The following RUFY2 variants were observed in gnomAD, a reference collection of about 807,000 sequenced individuals.
RUFY2 encodes the protein RUN and FYVE domain-containing protein 2.
In RUFY2, 49 loss-of-function variants were observed where a neutral mutation model predicts 94.4. The ratio of observed to expected loss-of-function variants is 0.52; its 90% CI spans 0.41 to 0.66. The LOEUF (loss-of-function observed/expected upper bound fraction) is 0.66. Among genes scored for constraint, RUFY2 ranks in the 30% least tolerant of loss-of-function variants. The probability of loss-of-function intolerance (pLI) is 0.00; values close to 1 mark genes in which losing one functional copy is unlikely to be tolerated. For missense variants in RUFY2, 541 were observed against 692.8 expected (o/e 0.78, Z 2.46); for synonymous variants, 255 against 235.7 (o/e 1.08, Z -0.75).
At position 68,404,847 on chromosome 10, in the gene RUFY2, GA is replaced by G; in HGVS notation, c.5-4del. 1 of 1,535,658 alleles carries G rather than the reference GA, an allele frequency of 6.5e-7. No individual in the cohort carries two copies. The highest frequency in any genetic ancestry group is 8.8e-7 in the Non-Finnish European group (1 of 1,139,430). ...TACAGCTGTGGGGTCTTTTGTAGCT[GA>G]AAACACAAGAAAGGAATCCAACATC... On this transcript the variant is annotated splice_region_variant and splice_polypyrimidine_tract_variant and intron_variant, in intron 1 of 17. Transcript: ENST00000602465.
rs2049149227 is a variant in RUFY2 at position 68,382,573 on chromosome 10, G to C, written c.940-1174C>G. ...ACTAAAAATACAAAAAATTAGCCGG[G>C]CGTGGTGGCGGGCGCCTATAGTCCC... On this transcript the variant is annotated intron_variant, in intron 10 of 17. Coordinates refer to ENST00000602465, the MANE Select transcript of RUFY2 (RefSeq NM_001330103.2). Among the ~76,000 whole-genome samples the C allele has an allele frequency of 2.0e-5, 3 of 151,344 alleles. No individual in the cohort carries two copies. The South Asian group carries it at 6.3e-4, about 32-fold the overall frequency.
chr10:68,399,972 C>A (rs952520638), intron 3 of RUFY2, among the ~76,000 whole-genome samples: 1 of 151,418 alleles, frequency 6.6e-6, no homozygotes, highest in Non-Finnish European at 1.5e-5. Flanking sequence ...TAAAGACAGG[C>A]TTTCTCCATT....
intron 3 of RUFY2, among the ~76,000 whole-genome samples, chr10:68,397,848 G>T (rs1477363275): frequency 6.6e-6 from 1 of 151,806 alleles, no homozygotes; most frequent in African/African-American, 2.4e-5. Flanking sequence ...ACTTCACCAG[G>T]CCGGGCCCAG....
At chr10:68,402,834 C>A (rs1590010962) in intron 2 of RUFY2, among the ~76,000 whole-genome samples, 1 of 146,824 alleles carries the variant, frequency 6.8e-6, no homozygotes, top group African/African-American at 2.5e-5. Flanking sequence ...ATCTCCAAGC[C>A]ATATCTTTTT....
At chr10:68,349,026 G>C (rs1209408518) in intron 16 of RUFY2, among the ~76,000 whole-genome samples, 2 of 152,142 alleles carry the variant, frequency 1.3e-5, no homozygotes, top group Non-Finnish European at 2.9e-5. Context: ...AACTGCCACA[G>C]AGAAAAGTCC....
At chr10:68,393,872 T>C in intron 6 of RUFY2, 2 of 1,168,434 alleles carry the variant, frequency 1.7e-6, no homozygotes, top group Middle Eastern at 2.8e-4. Context: ...TCCCACTTCA[T>C]ACTATTAATA....
intron 3 of RUFY2, 125 bp downstream of exon 3, chr10:68,401,495 A>G: frequency 1.6e-6 from 1 of 632,772 alleles, no homozygotes; most frequent in East Asian, 2.5e-5. Context: ...TAATTTTATT[A>G]TAAGAGGATT....
chr10:68,383,377 G>A (rs2049235069), intron 10 of RUFY2, among the ~76,000 whole-genome samples: 1 of 151,772 alleles, frequency 6.6e-6, no homozygotes, highest in African/African-American at 2.4e-5. Context: ...CCAACACTTT[G>A]GGAGGCCAAG....
At chr10:68,379,365 G>A in intron 12 of RUFY2, 59 bp downstream of exon 12, 1 of 1,256,832 alleles carries the variant, frequency 8.0e-7, no homozygotes, top group Non-Finnish European at 1.1e-6. Context: ...TGTAGGAACT[G>A]AATAAAGAAA....
Position 68,401,633 on chromosome 10 carries a change from G to A in RUFY2, c.283C>T (p.Leu95=), listed in dbSNP as rs2050856525. The change falls in exon 3 of 18, where the codon CTA becomes TTA. Residue 95 remains leucine (L), a synonymous_variant. Coordinates refer to ENST00000602465, the MANE Select transcript of RUFY2 (RefSeq NM_001330103.2). ...AGGCCTCCTTACTTCAGACCAGGTAGATCCCGGACACTAGCTCCTATTTCC... is the reference window on the plus strand; with the variant it reads ...AGGCCTCCTTACTTCAGACCAGGTAAATCCCGGACACTAGCTCCTATTTCC... ...AEEIGASVRD[L]PGLKTPLGRA... 6.2e-7 allele frequency: 1 copy of A among 1,610,226 alleles called. No individual in the cohort carries two copies.
intron 13 of RUFY2, among the ~76,000 whole-genome samples, chr10:68,367,735 TCC>T (rs1407448088): frequency 9.2e-6 from 1 of 109,216 alleles, no homozygotes; most frequent in East Asian, 2.9e-4. Context: ...CCTCCCTCCC[TCC>T]CTCTCTCTCT....
intron 2 of RUFY2, 24 bp downstream of exon 2, chr10:68,404,643 GAATT>G: frequency 1.4e-6 from 2 of 1,469,690 alleles, no homozygotes; most frequent in Non-Finnish European, 1.8e-6. Flanking sequence ...ATTCTAAAAT[GAATT>G]AATTTTTTAA....
chr10:68,346,932 G>T (rs1001209571), intron 16 of RUFY2, among the ~76,000 whole-genome samples: 1 of 152,142 alleles, frequency 6.6e-6, no homozygotes, highest in Non-Finnish European at 1.5e-5. Context: ...AGGCCAGGAA[G>T]ACTGGCCTGG....
chr10:68,405,542 G>T, intron 1 of RUFY2: 2 of 729,464 alleles, frequency 2.7e-6, no homozygotes, highest in Non-Finnish European at 3.4e-6. Context: ...AAGGTAGATA[G>T]CAGGTACGGT....
intron 3 of RUFY2, among the ~76,000 whole-genome samples, chr10:68,401,176 G>A (rs950187277): frequency 6.6e-6 from 1 of 152,198 alleles, no homozygotes; most frequent in Non-Finnish European, 1.5e-5. Context: ...CCAATTTTCA[G>A]AGGAAGCAAA....
intron 16 of RUFY2, among the ~76,000 whole-genome samples, chr10:68,350,088 C>CTTG (rs1366821466): frequency 1.3e-5 from 2 of 152,136 alleles, no homozygotes; most frequent in Non-Finnish European, 2.9e-5. Context: ...CAGCACACTA[C>CTTG]AACCTCCGCC....
At chr10:68,366,255 G>A (rs528225500) in intron 13 of RUFY2, among the ~76,000 whole-genome samples, 13 of 149,816 alleles carry the variant, frequency 8.7e-5, no homozygotes, top group Admixed American at 6.0e-4. Flanking sequence ...GCTTGGACCC[G>A]GGAGGCGGAG....
Position 68,394,461 on chromosome 10 carries a change from T to A in RUFY2, c.399-10A>T, listed in dbSNP as rs2133083008. ...ATACTCATAAAACTCACTGTGAAAATTTAAAAAATAAGGACTTTAAATCAC... is the reference window on the plus strand; with the variant it reads ...ATACTCATAAAACTCACTGTGAAAAATTAAAAAATAAGGACTTTAAATCAC... On this transcript the variant is annotated splice_polypyrimidine_tract_variant and intron_variant, in intron 4 of 17. Coordinates refer to ENST00000602465, the MANE Select transcript of RUFY2 (RefSeq NM_001330103.2). 1 of 1,599,606 alleles carries A rather than the reference T, an allele frequency of 6.3e-7. No homozygotes were observed. Among genetic ancestry groups the A allele is most frequent in the Non-Finnish European group, 8.6e-7 (1 of 1,168,378 alleles).
chr10:68,386,009 A>C (rs2049468251), intron 8 of RUFY2, 50 bp downstream of exon 8: 14 of 1,242,116 alleles, frequency 1.1e-5, no homozygotes, highest in Non-Finnish European at 1.6e-5. Context: ...AAAATGGAAA[A>C]GGATCACAAA....
Sources: gnomAD v4.1 joint callset for allele counts (sites outside exome capture counted in the v4.1 genomes callset) on GRCh38, gnomAD v4.1.1 for gene constraint, MANE v1.5 for transcripts, NCBI Gene and HGNC (gene_info 2026-07-23, HGNC 2026-07-21) for gene names.